The following PPP2R5E variants were observed in gnomAD, a reference collection of about 807,000 sequenced individuals.
PPP2R5E encodes protein phosphatase 2 regulatory subunit B'epsilon, also known as serine/threonine-protein phosphatase 2A 56 kDa regulatory subunit epsilon isoform.
PPP2R5E carries 4 observed loss-of-function variants against 65.3 expected under a neutral mutation model. The observed-to-expected ratio is 0.06, with a 90% CI of 0.03 to 0.14. The LOEUF is 0.14. Among genes scored for constraint, PPP2R5E ranks in the 10% least tolerant of loss-of-function variants. The pLI is 1.00. For missense variants in PPP2R5E, 274 were observed against 556.1 expected (o/e 0.49, Z 5.10); for synonymous variants, 183 against 187.4 (o/e 0.98, Z 0.19).
chr14:63,516,951 G>C (rs1215824150), intron 2 of PPP2R5E, among the ~76,000 whole-genome samples: 1 of 151,756 alleles, frequency 6.6e-6, no homozygotes, highest in African/African-American at 2.4e-5. Context: ...AAACAATTTA[G>C]TCTATGGATG....
chr14:63,396,781 T>C (rs920056314), intron 5 of PPP2R5E, 65 bp from the exon 6 acceptor site: 2 of 1,566,880 alleles, frequency 1.3e-6, no homozygotes, highest in Non-Finnish European at 1.7e-6. Flanking sequence ...AGGAATTCTA[T>C]TATTTAAAAT....
chr14:63,494,624 G>A (rs1221334117), intron 2 of PPP2R5E, among the ~76,000 whole-genome samples: 1 of 152,020 alleles, frequency 6.6e-6, no homozygotes, highest in East Asian at 1.9e-4. Flanking sequence ...GGCCAACATG[G>A]TGGATCATGC....
chr14:63,404,969 T>G (rs911360258), intron 5 of PPP2R5E, among the ~76,000 whole-genome samples: 1 of 152,066 alleles, frequency 6.6e-6, no homozygotes, highest in Non-Finnish European at 1.5e-5. Context: ...TGGTCCCTGC[T>G]CAAAAAGTAT....
chr14:63,406,410 C>CA (rs569875121), intron 5 of PPP2R5E, among the ~76,000 whole-genome samples: 11,332 of 83,000 alleles, frequency 0.14, 653 homozygotes, highest in East Asian at 0.27. Context: ...GACTTCATCT[C>CA]AAAAAAAAAA....
chr14:63,441,236 C>T (rs1888222319), intron 3 of PPP2R5E, among the ~76,000 whole-genome samples: 1 of 152,128 alleles, frequency 6.6e-6, no homozygotes, highest in South Asian at 2.1e-4. Flanking sequence ...TGTGAAGAGA[C>T]TCTAAGGATT....
At chr14:63,448,705 C>T (rs528615272) in intron 3 of PPP2R5E, among the ~76,000 whole-genome samples, 1 of 147,786 alleles carries the variant, frequency 6.8e-6, no homozygotes, top group South Asian at 2.2e-4. Context: ...AGGAGAATTG[C>T]TTAAACCCCG....
intron 2 of PPP2R5E, among the ~76,000 whole-genome samples, chr14:63,520,996 G>C (rs1047708654): frequency 6.6e-6 from 1 of 151,450 alleles, no homozygotes; most frequent in Non-Finnish European, 1.5e-5. Context: ...CCAAGATCGC[G>C]CCACTGCACT....
At chr14:63,404,607 A>C (rs564575963) in intron 5 of PPP2R5E, among the ~76,000 whole-genome samples, 4 of 152,344 alleles carry the variant, frequency 2.6e-5, no homozygotes, top group African/African-American at 9.6e-5. Context: ...AGGCATCAAA[A>C]GGTTGCGATC....
intron 2 of PPP2R5E, among the ~76,000 whole-genome samples, chr14:63,465,893 T>C (rs1889769422): frequency 6.6e-6 from 1 of 152,058 alleles, no homozygotes; most frequent in South Asian, 2.1e-4. Context: ...GAAACAAAAA[T>C]CTTCAAGAAA....
intron 2 of PPP2R5E, among the ~76,000 whole-genome samples, chr14:63,513,389 C>A (rs1401358298): frequency 1.3e-5 from 2 of 152,104 alleles, no homozygotes; most frequent in Non-Finnish European, 2.9e-5. Flanking sequence ...AGAAAATCTC[C>A]CCTCAAATAC....
intron 3 of PPP2R5E, among the ~76,000 whole-genome samples, chr14:63,430,321 G>A (rs1887567985): frequency 6.8e-6 from 1 of 146,748 alleles, no homozygotes. Context: ...GGAGACCAGA[G>A]TGGCCACAAT....
chr14:63,441,718 T>A (rs1888247578), intron 3 of PPP2R5E, among the ~76,000 whole-genome samples: 1 of 152,128 alleles, frequency 6.6e-6, no homozygotes, highest in Non-Finnish European at 1.5e-5. Flanking sequence ...GAGACCATCC[T>A]GGCTAACATG....
chr14:63,444,363 C>T (rs1458595482), intron 3 of PPP2R5E, among the ~76,000 whole-genome samples: 1 of 152,184 alleles, frequency 6.6e-6, no homozygotes, highest in Non-Finnish European at 1.5e-5. Flanking sequence ...CCCTTTACTC[C>T]TTCCTTGCCT....
At chr14:63,486,627 C>T (rs1352229619) in intron 2 of PPP2R5E, among the ~76,000 whole-genome samples, 1 of 151,986 alleles carries the variant, frequency 6.6e-6, no homozygotes, top group Non-Finnish European at 1.5e-5. Context: ...CACAGTACTC[C>T]ACTGTTTCCC....
intron 5 of PPP2R5E, among the ~76,000 whole-genome samples, chr14:63,403,387 CAAAA>C (rs35226807): frequency 3.9e-4 from 31 of 79,254 alleles, no homozygotes; most frequent in African/African-American, 8.9e-4. Context: ...GAGTCTGTCT[CAAAA>C]AAAAAAAAAA....
chr14:63,476,252 T>G (rs545185644), intron 2 of PPP2R5E, among the ~76,000 whole-genome samples: 2 of 152,114 alleles, frequency 1.3e-5, no homozygotes, highest in Non-Finnish European at 2.9e-5. Flanking sequence ...TTCCCCCCCT[T>G]TTGCTTTTTG....
intron 2 of PPP2R5E, among the ~76,000 whole-genome samples, chr14:63,522,198 G>C (rs957540404): frequency 6.6e-6 from 1 of 152,102 alleles, no homozygotes; most frequent in Admixed American, 6.5e-5. Context: ...CACCAGCCTC[G>C]GCCTCCCGAG....
chr14:63,440,740 C>T (rs1160411540), intron 3 of PPP2R5E, among the ~76,000 whole-genome samples: 5 of 146,426 alleles, frequency 3.4e-5, no homozygotes, highest in Non-Finnish European at 5.9e-5. Flanking sequence ...GAATCGAGAC[C>T]ATCCTGGCTA....
chr14:63,393,621 A>C (rs938586793), intron 8 of PPP2R5E, among the ~76,000 whole-genome samples, 199 bp downstream of exon 8: 1 of 152,128 alleles, frequency 6.6e-6, no homozygotes, highest in African/African-American at 2.4e-5. Context: ...CTGAGGCAGA[A>C]GAATTGCTTG....
Sources: allele counts gnomAD v4.1 joint callset (sites outside exome capture counted in the v4.1 genomes callset), GRCh38; gene constraint gnomAD v4.1.1; transcripts MANE v1.5; gene names NCBI Gene and HGNC (gene_info 2026-07-23, HGNC 2026-07-21).